The following ZNF248 variants were observed in gnomAD, a reference collection of about 807,000 sequenced individuals.
ZNF248 encodes KRAB protein domain.
A neutral mutation model predicts 44.3 loss-of-function variants in ZNF248; 20 were observed. The observed-to-expected ratio is 0.45, with a 90% CI of 0.32 to 0.66. The LOEUF (loss-of-function observed/expected upper bound fraction) is 0.66, where lower values mean the gene tolerates loss of function less well. ZNF248 is among the 30% of genes least tolerant of loss of function. ZNF248 has a pLI of 0.04. For synonymous variants in ZNF248, 224 were observed against 229.0 expected (o/e 0.98, Z 0.20); for missense variants, 654 against 677.0 (o/e 0.97, Z 0.38).
At chr10:37,771,792 A>G (rs571409096), downstream of ZNF248, among the ~76,000 whole-genome samples, 4 of 152,054 alleles carry the variant, frequency 2.6e-5, no homozygotes, top group African/African-American at 9.6e-5. Flanking sequence ...AAATAAAATT[A>G]AAAAAAACAA....
At chr10:37,842,023 A>C (rs2058434410) in intron 3 of ZNF248, among the ~76,000 whole-genome samples, 1 of 152,208 alleles carries the variant, frequency 6.6e-6, no homozygotes, top group Admixed American at 6.5e-5. Flanking sequence ...GGAAAAATTA[A>C]GAAAATCCCA....
chr10:37,765,667 A>G, the ZNF248 span, among the ~76,000 whole-genome samples: 1 of 152,246 alleles, frequency 6.6e-6, no homozygotes, highest in African/African-American at 2.4e-5. Flanking sequence ...CCGAATAGGA[A>G]CAGCTCTGGT....
chr10:37,775,979 T>A (rs988794483), downstream of ZNF248, among the ~76,000 whole-genome samples: 4 of 152,124 alleles, frequency 2.6e-5, no homozygotes, highest in Non-Finnish European at 5.9e-5. Flanking sequence ...TACTTATACA[T>A]CCAAGAGTCA....
chr10:37,764,253 GAAAT>G, the ZNF248 span, among the ~76,000 whole-genome samples: 12 of 152,162 alleles, frequency 7.9e-5, no homozygotes, highest in African/African-American at 2.9e-4. Context: ...GATAAGGGAT[GAAAT>G]AAGCCCCGGT....
chr10:37,819,456 C>A lies in ZNF248; in HGVS notation c.330+13569G>T, dbSNP rs2053100799. The A allele has an allele frequency of 2.7e-5, 42 of 1,575,838 alleles. 1 individual carries two copies. In the South Asian group the frequency reaches 4.7e-4, roughly 17 times the overall value. On this transcript the variant is annotated intron_variant, in intron 6 of 6. Coordinates refer to the ZNF248 transcript ENST00000615949. ...TTATTTAACTGGTGAATTTTCACAG[C>A]TACGTATCTTTGCTCTATTAGTTCA...
At chr10:37,767,856 T>C in the ZNF248 span, among the ~76,000 whole-genome samples, 1 of 152,098 alleles carries the variant, frequency 6.6e-6, no homozygotes, top group Non-Finnish European at 1.5e-5. Flanking sequence ...TCAAGACCCA[T>C]CAGTGTGCTG....
intron 3 of ZNF248, among the ~76,000 whole-genome samples, chr10:37,854,375 GA>G (rs898990288): frequency 4.6e-5 from 7 of 152,028 alleles, no homozygotes; most frequent in African/African-American, 1.4e-4. Context: ...CACTGGGGGG[GA>G]AAAAAGACCA....
At chr10:37,787,129 A>G (rs926996907) in intron 6 of ZNF248, among the ~76,000 whole-genome samples, 3 of 152,046 alleles carry the variant, frequency 2.0e-5, no homozygotes, top group Non-Finnish European at 2.9e-5. Context: ...AATACAAAAA[A>G]TTAGCCGGGC....
chr10:37,837,644 T>C lies in ZNF248; in HGVS notation c.211A>G (p.Lys71Glu), dbSNP rs2057491511. 1.9e-6 allele frequency: 3 copies of C among 1,614,080 alleles called. No individual in the cohort carries two copies. Among genetic ancestry groups the C allele is most frequent in the Non-Finnish European group, 2.5e-6 (3 of 1,180,010 alleles). ...EQGEEPWILEKGFPSQCHPER... is the reference protein window; with the variant it reads ...EQGEEPWILEEGFPSQCHPER... ...GGGTGGCACTGGCTTGGGAATCCTT[T>C]TTCTAATATCCAGGGCTCTTCTCCT... The change falls in exon 5 of 6, where the codon AAA becomes GAA. Residue 71 changes from lysine to glutamate, a missense_variant. Transcript: ENST00000395867.
chr10:37,818,756 C>G, intron 6 of ZNF248: 1 of 690,690 alleles, frequency 1.4e-6, no homozygotes. Context: ...TTTTGGTAGG[C>G]CAAACATCGT....
chr10:37,780,330 G>A (rs2047133406), intron 6 of ZNF248, among the ~76,000 whole-genome samples: 1 of 152,122 alleles, frequency 6.6e-6, no homozygotes, highest in Non-Finnish European at 1.5e-5. Flanking sequence ...ATAAATCAAT[G>A]GAACAGAACA....
chr10:37,817,905 A>T (rs899616876), intron 6 of ZNF248, among the ~76,000 whole-genome samples: 1 of 151,742 alleles, frequency 6.6e-6, no homozygotes, highest in Admixed American at 6.6e-5. Flanking sequence ...TTTCTTTTTT[A>T]TTTATTATTT....
At chr10:37,839,551 G>A (rs1490732610) in intron 3 of ZNF248, among the ~76,000 whole-genome samples, 1 of 151,266 alleles carries the variant, frequency 6.6e-6, no homozygotes, top group Non-Finnish European at 1.5e-5. Flanking sequence ...ACATAAAATG[G>A]ACATTCTAGA....
At chr10:37,784,931 G>A (rs542735026) in intron 6 of ZNF248, among the ~76,000 whole-genome samples, 21 of 152,144 alleles carry the variant, frequency 1.4e-4, no homozygotes, top group Non-Finnish European at 2.6e-4. Context: ...TTACCCCACC[G>A]TTAAGATCAA....
chr10:37,831,255 C>A lies in ZNF248; in HGVS notation c.*360G>T, dbSNP rs2055546219. 6.5e-7 allele frequency: 1 copy of A among 1,549,336 alleles called. No individual in the cohort carries two copies. Among genetic ancestry groups the A allele is most frequent in the African/African-American group, 1.4e-5 (1 of 72,972 alleles). On this transcript the variant is annotated 3_prime_UTR_variant, in exon 6 of 6. Transcript: ENST00000395867. ...ACATAAGGTCTACAAACATCGGGGA[C>A]TCTTCACATATATGTTTAATGCTGC...
At chr10:37,856,371 C>G in intron 2 of ZNF248, 34 bp from the exon 3 acceptor site, 1 of 1,609,310 alleles carries the variant, frequency 6.2e-7, no homozygotes, top group South Asian at 1.1e-5. Context: ...GTCAGGAGAG[C>G]CTTCGCCGGC....
chr10:37,825,897 GAA>G (rs34044220), downstream of ZNF248, among the ~76,000 whole-genome samples: 3 of 140,780 alleles, frequency 2.1e-5, no homozygotes, highest in Non-Finnish European at 3.1e-5. Context: ...GTCTGCAGGT[GAA>G]AAAAAAAAAA....
intron 6 of ZNF248, among the ~76,000 whole-genome samples, chr10:37,783,268 C>G (rs1413195353): frequency 6.6e-6 from 1 of 152,166 alleles, no homozygotes; most frequent in African/African-American, 2.4e-5. Flanking sequence ...CATGCCCCAT[C>G]TTATTCCCAG....
chr10:37,789,718 C>T (rs1391363327), intron 6 of ZNF248, among the ~76,000 whole-genome samples: 1 of 152,194 alleles, frequency 6.6e-6, no homozygotes, highest in African/African-American at 2.4e-5. Context: ...ATAACATCAG[C>T]TGTGTTGACT....
Sources: allele counts gnomAD v4.1 joint callset (sites outside exome capture counted in the v4.1 genomes callset), GRCh38; gene constraint gnomAD v4.1.1; transcripts MANE v1.5; gene names NCBI Gene and HGNC (gene_info 2026-07-23, HGNC 2026-07-21).